GRIA4: variants seen among roughly 807,000 people sequenced by gnomAD.
GRIA4 encodes the protein glutamate receptor 4.
In GRIA4, 34 loss-of-function variants were observed where a neutral mutation model predicts 104.0. The observed-to-expected ratio is 0.33, with a 90% CI of 0.25 to 0.44. GRIA4 has a LOEUF of 0.44. GRIA4 is among the 20% of genes least tolerant of loss of function. The pLI, the probability that GRIA4 is intolerant of heterozygous loss-of-function variation, is 1.00. For missense variants in GRIA4, 750 were observed against 1,096.5 expected, an observed-to-expected ratio of 0.68 and a Z score of 4.46; for synonymous variants, 386 against 381.9, an observed-to-expected ratio of 1.01 and a Z score of -0.13.
intron 4 of GRIA4, among the ~76,000 whole-genome samples, chr11:105,848,024 T>C (rs1308424407): frequency 6.6e-6 from 1 of 152,214 alleles, no homozygotes; most frequent in Non-Finnish European, 1.5e-5. Flanking sequence ...CTTCCAAAAA[T>C]GATAATTTTG....
chr11:105,693,654 A>G (rs1320335401), intron 3 of GRIA4, among the ~76,000 whole-genome samples: 1 of 152,186 alleles, frequency 6.6e-6, no homozygotes, highest in Non-Finnish European at 1.5e-5. Context: ...ACGCTAACAG[A>G]GCACAAGTAT....
At chr11:105,923,029 G>C (rs1388000809) in intron 11 of GRIA4, among the ~76,000 whole-genome samples, 1 of 152,012 alleles carries the variant, frequency 6.6e-6, no homozygotes, top group Non-Finnish European at 1.5e-5. Flanking sequence ...AGTCACCCAG[G>C]GAGACGTGAC....
intron 3 of GRIA4, among the ~76,000 whole-genome samples, chr11:105,690,698 C>T (rs1232740626): frequency 6.6e-6 from 1 of 152,124 alleles, no homozygotes; most frequent in Non-Finnish European, 1.5e-5. Context: ...TATGTGCATG[C>T]TCTCAGAACT....
At chr11:105,905,777 G>A (rs562891625) in intron 9 of GRIA4, among the ~76,000 whole-genome samples, 1 of 152,278 alleles carries the variant, frequency 6.6e-6, no homozygotes, top group South Asian at 2.1e-4. Flanking sequence ...AAAGAAGATG[G>A]ATGGTAAGAT....
At chr11:105,680,955 C>A (rs1952691533) in intron 3 of GRIA4, among the ~76,000 whole-genome samples, 1 of 152,318 alleles carries the variant, frequency 6.6e-6, no homozygotes, top group East Asian at 1.9e-4. Flanking sequence ...ATCCCAATCA[C>A]TCTGGACTCA....
chr11:105,688,103 C>CACATCT (rs1952943110), intron 3 of GRIA4, among the ~76,000 whole-genome samples: 1 of 129,536 alleles, frequency 7.7e-6, no homozygotes, highest in East Asian at 2.3e-4. Flanking sequence ...CTCTCTGTCT[C>CACATCT]ATATCTATAT....
chr11:105,900,738 C>T (rs1946824989), intron 7 of GRIA4, among the ~76,000 whole-genome samples: 1 of 152,002 alleles, frequency 6.6e-6, no homozygotes, highest in Non-Finnish European at 1.5e-5. Flanking sequence ...TACAGGCCTG[C>T]CCCACCACAC....
intron 4 of GRIA4, among the ~76,000 whole-genome samples, chr11:105,806,720 C>T (rs1942967787): frequency 6.6e-6 from 1 of 150,506 alleles, no homozygotes. Context: ...AATATTAGTG[C>T]ACAGCCACTG....
chr11:105,833,613 A>C (rs1195462958), intron 4 of GRIA4, among the ~76,000 whole-genome samples: 1 of 152,052 alleles, frequency 6.6e-6, no homozygotes, highest in Non-Finnish European at 1.5e-5. Context: ...ACTTCAAATA[A>C]ATTCCAACAA....
intron 5 of GRIA4, among the ~76,000 whole-genome samples, chr11:105,886,838 T>C (rs1946280876): frequency 6.6e-6 from 1 of 151,790 alleles, no homozygotes; most frequent in Non-Finnish European, 1.5e-5. Context: ...TTTGAAAAGA[T>C]CTCTAGAATT....
chr11:105,745,330 G>A (rs1939588744), intron 3 of GRIA4, among the ~76,000 whole-genome samples: 1 of 152,110 alleles, frequency 6.6e-6, no homozygotes, highest in African/African-American at 2.4e-5. Flanking sequence ...GTAGCAACAA[G>A]GGCTAGGAAT....
intron 4 of GRIA4, among the ~76,000 whole-genome samples, chr11:105,837,398 G>A (rs1320089331): frequency 6.6e-6 from 1 of 152,096 alleles, no homozygotes; most frequent in Non-Finnish European, 1.5e-5. Flanking sequence ...CAAGACCACA[G>A]CTGGAGTCAA....
chr11:105,644,706 C>T lies in GRIA4; in HGVS notation c.247+32272C>T, dbSNP rs10895850. On this transcript the variant is annotated intron_variant, in intron 3 of 16. Transcript: ENST00000282499. The stretch of plus-strand genomic sequence containing the variant: ...GTTGAAAAGGGATTGCTAGGAAATA[C>T]GGTAAGGGCACATTGGCATAAGATA... Among the ~76,000 whole-genome samples, 21 of 152,018 alleles carry T rather than the reference C, an allele frequency of 1.4e-4. No homozygotes were observed. In the East Asian group the frequency reaches 1.9e-3, roughly 14 times the overall value.
chr11:105,802,184 C>T (rs1942748730), intron 4 of GRIA4, among the ~76,000 whole-genome samples: 1 of 151,982 alleles, frequency 6.6e-6, no homozygotes. Context: ...GAGAAGAGAG[C>T]AGAAGAACAG....
chr11:105,957,880 A>G (rs1417942444), intron 14 of GRIA4, among the ~76,000 whole-genome samples: 3 of 152,094 alleles, frequency 2.0e-5, no homozygotes, highest in Admixed American at 1.3e-4. Flanking sequence ...GCAATTGTGA[A>G]TGGGAGTTCA....
At chr11:105,734,019 T>G (rs1031408092) in intron 3 of GRIA4, among the ~76,000 whole-genome samples, 1 of 147,310 alleles carries the variant, frequency 6.8e-6, no homozygotes, top group Non-Finnish European at 1.5e-5. Context: ...TACATATATA[T>G]GAATTCATAT....
chr11:105,805,478 G>GAAAAAAAAAAAAAAAAAAAAAAAAAAAAA (rs57123559), intron 4 of GRIA4, among the ~76,000 whole-genome samples: 15 of 92,468 alleles, frequency 1.6e-4, no homozygotes, highest in African/African-American at 5.4e-4. Flanking sequence ...AAGAAATCAG[G>GAAAAAAAAAAAAAAAAAAAAAAAAAAAAA]AAAAAAAAAA....
chr11:105,830,038 C>T (rs1943916551), intron 4 of GRIA4, among the ~76,000 whole-genome samples: 1 of 152,020 alleles, frequency 6.6e-6, no homozygotes, highest in Non-Finnish European at 1.5e-5. Flanking sequence ...ACTGAAAGGA[C>T]ATTTTCAAAA....
At chr11:105,953,918 C>CT (rs1313428240) in intron 14 of GRIA4, among the ~76,000 whole-genome samples, 1 of 152,044 alleles carries the variant, frequency 6.6e-6, no homozygotes, top group Non-Finnish European at 1.5e-5. Flanking sequence ...TAAACTCTTT[C>CT]TTTTTTTGTA....
Sources: gnomAD v4.1 joint callset for allele counts (sites outside exome capture counted in the v4.1 genomes callset) on GRCh38, gnomAD v4.1.1 for gene constraint, MANE v1.5 for transcripts, NCBI Gene and HGNC (gene_info 2026-07-23, HGNC 2026-07-21) for gene names.